Variants in ANKZF1 observed in about 807,000 individuals in gnomAD.
ANKZF1 encodes the protein ankyrin repeat and zinc finger peptidyl tRNA hydrolase 1.
A neutral mutation model predicts 86.0 loss-of-function variants in ANKZF1; 84 were observed. That is an observed-to-expected ratio of 0.98 (90% CI 0.82 to 1.17). The LOEUF is 1.17. ANKZF1 is among the 50% of genes most tolerant of loss of function. The pLI is 0.00. For missense variants in ANKZF1, 893 were observed against 918.4 expected (o/e 0.97, Z 0.36); for synonymous variants, 331 against 354.2 (o/e 0.93, Z 0.74).
chr2:219,235,860 CAG>C lies in ANKZF1; in HGVS notation c.1957_1958del (p.Ser653Ter), dbSNP rs1951204122. ...AAGAGCAGCGGCGATTTGCCGCCCT[CAG>C]TGACCGAGAGAAGGTGAGGCTGGAG... ...REEQRRFAAL[S>X]DREKRALAAE... On this transcript the variant is annotated frameshift_variant, in exon 12 of 14. Transcript: ENST00000323348. LOFTEE classifies it high-confidence loss of function. The C allele has an allele frequency of 1.2e-6, 2 of 1,614,186 alleles. No homozygotes were observed. The highest frequency in any genetic ancestry group is 2.2e-5 in the South Asian group (2 of 91,084).
intron 10 of ANKZF1, 22 bp from the exon 11 acceptor site, chr2:219,235,452 T>C: frequency 6.2e-7 from 1 of 1,612,454 alleles, no homozygotes; most frequent in Non-Finnish European, 8.5e-7. Flanking sequence ...GTTAAACCCA[T>C]TTTTGGAGTT....
At chr2:219,232,443 C>G (rs778567947) in intron 4 of ANKZF1, 47 bp from the exon 5 acceptor site, 1 of 1,610,538 alleles carries the variant, frequency 6.2e-7, no homozygotes, top group Non-Finnish European at 8.5e-7. Flanking sequence ...GAGGAAAGAA[C>G]AAAAATGGGG....
Position 219,232,332 on chromosome 2 carries a change from G to T in ANKZF1, c.334G>T (p.Ala112Ser), listed in dbSNP as rs778316061. The T allele has an allele frequency of 9.3e-6, 15 of 1,614,108 alleles. No homozygotes were observed. The highest frequency in any genetic ancestry group is 1.7e-6 in the Non-Finnish European group (2 of 1,180,046). ...QRLKDKPLLSALDFEKQSSTG... is the reference protein window; with the variant it reads ...QRLKDKPLLSSLDFEKQSSTG... Reference sequence around the variant, plus strand: ...TCTCAAGGACAAGCCTCTCCTGTCTGCCCTGGACTTTGAAAAGCAGAGCTC... The same window carrying T: ...TCTCAAGGACAAGCCTCTCCTGTCTTCCCTGGACTTTGAAAAGCAGAGCTC... The change falls in exon 4 of 14, where the codon GCC becomes TCC. Residue 112 changes from alanine (A) to serine (S), a missense_variant. Ala to Ser is a moderately conservative substitution (Grantham distance 99). Coordinates refer to ENST00000323348, the MANE Select transcript of ANKZF1 (RefSeq NM_018089.3).
chr2:219,230,404 A>C lies in ANKZF1; in HGVS notation c.147A>C (p.Ser49=). Residue 49 remains serine (S), a splice_region_variant and synonymous_variant, in exon 2 of 14, where the codon TCA becomes TCC. Coordinates refer to ENST00000323348, the MANE Select transcript of ANKZF1 (RefSeq NM_018089.3). The part of the protein sequence containing the change: ...ALARAPRTSC[S]GSGERESPER... ...CCCGGGCTCCGCGTACTTCCTGTTCAGGTATCCTGGAAGGTTTCGTGTGAA... is the reference window on the plus strand; with the variant it reads ...CCCGGGCTCCGCGTACTTCCTGTTCCGGTATCCTGGAAGGTTTCGTGTGAA... 6.2e-7 allele frequency: 1 copy of C among 1,605,330 alleles called. No homozygotes were observed. The highest frequency in any genetic ancestry group is 8.5e-7 in the Non-Finnish European group (1 of 1,173,650).
In ANKZF1 at chr2:219,235,506, C is replaced by T. The variant is rs545546589; in HGVS notation, c.1724C>T (p.Ala575Val). The T allele has an allele frequency of 6.8e-6, 11 of 1,613,836 alleles. No homozygotes were observed. The highest frequency in any genetic ancestry group is 3.3e-4 in the Middle Eastern group (2 of 6,072). The stretch of plus-strand genomic sequence containing the variant: ...CGGGCCCGGCCACCTTATACTGTTG[C>T]GGCTGACAAATCAACACGTAATGAG... ...DSRARPPYTVAADKSTRNEFR... is the reference protein window; with the variant it reads ...DSRARPPYTVVADKSTRNEFR... Residue 575 changes from alanine to valine, a missense_variant, in exon 11 of 14, where the codon GCG (alanine) becomes GTG (valine). Transcript: ENST00000323348.
chr2:219,233,693 A>G (rs1285560663), intron 7 of ANKZF1, 22 bp from the exon 8 acceptor site: 2 of 1,590,586 alleles, frequency 1.3e-6, no homozygotes. Flanking sequence ...GGTATGCAGG[A>G]CTGAGTTACT....
At chr2:219,235,387 A>G in intron 10 of ANKZF1, 75 bp downstream of exon 10, 1 of 1,597,974 alleles carries the variant, frequency 6.3e-7, no homozygotes, top group Middle Eastern at 1.8e-4. Flanking sequence ...GGCATTGGCT[A>G]CTTGGCAATA....
Position 219,236,310 on chromosome 2 carries a change from C to G in ANKZF1, c.2058-12C>G. 6.2e-7 allele frequency: 1 copy of G among 1,613,908 alleles called. No individual in the cohort carries two copies. Among genetic ancestry groups the G allele is most frequent in the Non-Finnish European group, 8.5e-7 (1 of 1,180,018 alleles). ...GGGTACCTGTCCAGCCATTTTTCTT[C>G]CTCTTGTTCAGACGCTGCTGGAGTT... On this transcript the variant is annotated splice_polypyrimidine_tract_variant and intron_variant, in intron 13 of 13. Coordinates refer to ENST00000323348, the MANE Select transcript of ANKZF1 (RefSeq NM_018089.3).
chr2:219,234,361 C>T (rs1243873048), intron 9 of ANKZF1, 73 bp downstream of exon 9: 5 of 1,581,368 alleles, frequency 3.2e-6, no homozygotes, highest in Non-Finnish European at 4.3e-6. Context: ...TCCCTACTCT[C>T]ATAACTGACC....
At position 219,230,222 on chromosome 2, in the gene ANKZF1, C is replaced by T. The variant is rs939788960; in HGVS notation, c.-30-6C>T. On this transcript the variant is annotated splice_region_variant and splice_polypyrimidine_tract_variant and intron_variant, in intron 1 of 13. Coordinates refer to ENST00000323348, the MANE Select transcript of ANKZF1 (RefSeq NM_018089.3). ...AGCCCTGTTTCTTACACGCTTTCTA[C>T]TCCAGGAGCTGCTGCTAAATAATTT... 9 of 1,604,426 alleles carry T rather than the reference C, an allele frequency of 5.6e-6. No individual in the cohort carries two copies. The African/African-American group carries it at 6.7e-5, about 12-fold the overall frequency.
intron 7 of ANKZF1, 108 bp from the exon 8 acceptor site, chr2:219,233,607 G>T: frequency 1.4e-6 from 2 of 1,415,522 alleles, no homozygotes; most frequent in Non-Finnish European, 1.9e-6. Context: ...CTTTCTCCGT[G>T]TTATCCTCTA....
rs767625985 is a variant in ANKZF1, at chr2:219,232,380, G to A, written c.364+18G>A. 10 of 1,613,414 alleles carry A rather than the reference G, an allele frequency of 6.2e-6. No individual in the cohort carries two copies. Among genetic ancestry groups the A allele is most frequent in the Non-Finnish European group, 8.5e-6 (10 of 1,179,342 alleles). On this transcript the variant is annotated intron_variant, in intron 4 of 13. Coordinates refer to ENST00000323348, the MANE Select transcript of ANKZF1 (RefSeq NM_018089.3). ...CTCCACAGGTGATGAGTGGTAGGGG[G>A]ACCTATGTAGGAGTAGGACATGGAG...
intron 11 of ANKZF1, 41 bp from the exon 12 acceptor site, chr2:219,235,667 C>T (rs754991553): frequency 3.7e-6 from 6 of 1,611,286 alleles, no homozygotes; most frequent in Non-Finnish European, 5.1e-6. Flanking sequence ...TGCAGTTTTA[C>T]CAAAGATAAC....
At chr2:219,230,688 G>A (rs1951007503) in intron 2 of ANKZF1, 1 of 312,392 alleles carries the variant, frequency 3.2e-6, no homozygotes, top group African/African-American at 2.2e-5. Context: ...CATTTAACCA[G>A]GCCCCACTCA....
At chr2:219,233,042 G>C (rs749597310) in intron 5 of ANKZF1, 37 bp from the exon 6 acceptor site, 2 of 1,582,802 alleles carry the variant, frequency 1.3e-6, no homozygotes, top group East Asian at 4.5e-5. Flanking sequence ...CTCAGTGAAT[G>C]CAACAGATAT....
intron 2 of ANKZF1, 69 bp from the exon 3 acceptor site, chr2:219,231,859 C>G (rs756178247): frequency 7.7e-7 from 1 of 1,295,528 alleles, no homozygotes; most frequent in East Asian, 2.3e-5. Context: ...ATATCACACT[C>G]TGAATATAAT....
intron 5 of ANKZF1, 92 bp downstream of exon 5, chr2:219,232,775 C>A: frequency 7.3e-7 from 1 of 1,363,048 alleles, no homozygotes; most frequent in South Asian, 1.4e-5. Flanking sequence ...CCCTGCTTCT[C>A]TTCCTTCCTG....
intron 9 of ANKZF1, 182 bp from the exon 10 acceptor site, chr2:219,234,644 G>T: frequency 1.2e-6 from 1 of 831,884 alleles, no homozygotes; most frequent in East Asian, 2.6e-5. Context: ...CCAGGGACTT[G>T]TTCTTGTCTG....
Position 219,229,967 on chromosome 2 carries a change from G to T in ANKZF1, c.-31+67G>T, listed in dbSNP as rs28362574. 100 of 308,960 alleles carry T rather than the reference G, an allele frequency of 3.2e-4. No individual in the cohort carries two copies. The East Asian group carries it at 6.0e-3, about 19-fold the overall frequency. The allele number at this position is 308,960 out of a possible 1,614,324, so 19.1% of individuals were successfully genotyped here. A position where few individuals can be genotyped will look rare whatever the true frequency, so the allele number is the denominator to read the frequency against. The stretch of plus-strand genomic sequence containing the variant: ...TGTTGCTGGTCGCATGGGTAACGAA[G>T]AAAGTTCGGCTAGGCAAGCTCAGTG... On this transcript the variant is annotated intron_variant, in intron 1 of 13. Transcript: ENST00000323348. This position sits in a 1 kb window ranked among gnomAD's most constrained non-coding sequence, Gnocchi z 4.2.
Sources: allele counts gnomAD v4.1 joint callset, GRCh38; gene constraint gnomAD v4.1.1; non-coding constraint Gnocchi (gnomAD v3.1); transcripts MANE v1.5; gene names NCBI Gene and HGNC (gene_info 2026-07-23, HGNC 2026-07-21).